Variants in SND1 observed in about 807,000 individuals in gnomAD.
SND1 encodes staphylococcal nuclease domain-containing protein 1.
SND1 carries 38 observed loss-of-function variants against 121.7 expected under a neutral mutation model. The ratio of observed to expected loss-of-function variants is 0.31; its 90% CI spans 0.24 to 0.41. The LOEUF (loss-of-function observed/expected upper bound fraction) is 0.41, where lower values mean the gene tolerates loss of function less well. Among genes scored for constraint, SND1 ranks in the 10% least tolerant of loss-of-function variants. The pLI is 1.00. For synonymous variants in SND1, 401 were observed against 447.4 expected, an observed-to-expected ratio of 0.90 and a Z score of 1.31; for missense variants, 868 against 1,184.6, an observed-to-expected ratio of 0.73 and a Z score of 3.92.
intron 14 of SND1, among the ~76,000 whole-genome samples, chr7:127,911,882 CAG>C (rs1447684245): frequency 6.6e-6 from 1 of 152,136 alleles, no homozygotes; most frequent in Non-Finnish European, 1.5e-5. Context: ...TTGATTCTGC[CAG>C]AGAGTTGCTT....
chr7:127,983,393 G>T (rs544135058), intron 15 of SND1, among the ~76,000 whole-genome samples: 1 of 152,150 alleles, frequency 6.6e-6, no homozygotes, highest in South Asian at 2.1e-4. Flanking sequence ...GAAAGGAGAG[G>T]TGTCCATAGT....
chr7:127,763,068 GA>G (rs1797334064), intron 10 of SND1, among the ~76,000 whole-genome samples: 1 of 152,180 alleles, frequency 6.6e-6, no homozygotes, highest in Non-Finnish European at 1.5e-5. Flanking sequence ...TAAATAGCCA[GA>G]AATAGGGGAA....
At chr7:128,068,949 C>T (rs968940813) in intron 16 of SND1, among the ~76,000 whole-genome samples, 8 of 152,232 alleles carry the variant, frequency 5.3e-5, no homozygotes, top group African/African-American at 1.9e-4. Flanking sequence ...CAGCAGGGCC[C>T]ACTGGCTGCT....
chr7:127,699,307 G>A (rs1562982790), intron 4 of SND1, among the ~76,000 whole-genome samples: 1 of 152,224 alleles, frequency 6.6e-6, no homozygotes, highest in Non-Finnish European at 1.5e-5. Context: ...TCTAGGCACT[G>A]AGAATATAGT....
rs1438670593 is a variant in SND1, at chr7:127,887,942, G to C, written c.1384G>C (p.Val462Leu). The part of the protein sequence containing the change: ...EALVSKGLAT[V>L]IRYRQDDDQR... ...TCTTGTCAGCAAAGGTCTAGCCACAGTGATCAGATACCGGCAGGATGATGA... is the reference window on the plus strand; with the variant it reads ...TCTTGTCAGCAAAGGTCTAGCCACACTGATCAGATACCGGCAGGATGATGA... Residue 462 changes from valine (V) to leucine (L), a missense_variant, in exon 13 of 24, where the codon GTG becomes CTG. Val to Leu is a conservative substitution (Grantham distance 32). Coordinates refer to ENST00000354725, the MANE Select transcript of SND1 (RefSeq NM_014390.4). 6.2e-7 allele frequency: 1 copy of C among 1,612,202 alleles called. No individual in the cohort carries two copies. The highest frequency in any genetic ancestry group is 1.3e-5 in the African/African-American group (1 of 74,796).
chr7:127,793,115 G>A (rs933361751), intron 10 of SND1, among the ~76,000 whole-genome samples: 3 of 152,194 alleles, frequency 2.0e-5, no homozygotes, highest in Admixed American at 2.0e-4. Flanking sequence ...CCCAGGGTGG[G>A]CAAGCACGCA....
intron 9 of SND1, among the ~76,000 whole-genome samples, chr7:127,710,607 A>G (rs953086439): frequency 5.3e-5 from 8 of 152,332 alleles, no homozygotes; most frequent in South Asian, 2.1e-4. Flanking sequence ...TATTTTTAAT[A>G]CAGAAAATTT....
rs375221954 is a variant in SND1, at chr7:127,719,548, G to A, written c.1039-1739G>A. Among the ~76,000 whole-genome samples the A allele has an allele frequency of 1.1e-4, 17 of 152,200 alleles. No individual in the cohort carries two copies. In the East Asian group the frequency reaches 1.7e-3, roughly 16 times the overall value. ...CTGGCAAGATGAATTTTGGGTTCTG[G>A]CTCTCTGGGTTTTAGTGTTTAGCCT... On this transcript the variant is annotated intron_variant, in intron 9 of 23. Transcript: ENST00000354725.
intron 10 of SND1, 51 bp from the exon 11 acceptor site, chr7:127,807,433 T>C (rs1439397579): frequency 7.2e-7 from 1 of 1,397,622 alleles, no homozygotes; most frequent in Admixed American, 1.7e-5. Flanking sequence ...CTGTTGTACA[T>C]GTTCATTTGA....
chr7:127,774,366 C>G (rs979311351), intron 10 of SND1, among the ~76,000 whole-genome samples: 1 of 152,096 alleles, frequency 6.6e-6, no homozygotes, highest in South Asian at 2.1e-4. Context: ...CAAGATTAAT[C>G]TATTATTGAA....
At position 127,988,925 on chromosome 7, in the gene SND1, T is replaced by C. The variant is rs368706755; in HGVS notation, c.1670-2022T>C. ...TGCAACAATGCTTTTTCTGTGGTTA[T>C]GTGGCAAGATTGTTCAATGGAATTG... is the stretch of plus-strand genomic sequence containing the variant. On this transcript the variant is annotated intron_variant, in intron 15 of 23. Coordinates refer to ENST00000354725, the MANE Select transcript of SND1 (RefSeq NM_014390.4). 2.0e-4 allele frequency among the ~76,000 whole-genome samples: 30 copies of C among 152,380 alleles called. No individual in the cohort carries two copies. The East Asian group carries it at 3.9e-3, about 20-fold the overall frequency.
intron 1 of SND1, among the ~76,000 whole-genome samples, chr7:127,665,753 C>G (rs547961967): frequency 3.9e-5 from 6 of 152,072 alleles, no homozygotes; most frequent in Non-Finnish European, 8.8e-5. Flanking sequence ...CTTAGGAATT[C>G]TGTTCCAGGA....
intron 1 of SND1, among the ~76,000 whole-genome samples, chr7:127,681,259 G>A (rs1795721425): frequency 6.6e-6 from 1 of 152,176 alleles, no homozygotes; most frequent in Non-Finnish European, 1.5e-5. Flanking sequence ...ATGATGAAGA[G>A]CATCTTTTCA....
chr7:127,838,324 G>A (rs35246122), intron 11 of SND1, among the ~76,000 whole-genome samples: 9,234 of 152,262 alleles, frequency 0.061, 401 homozygotes, highest in Middle Eastern at 0.19. Flanking sequence ...TGATGCACTG[G>A]TTCTTTGGAG....
At chr7:127,724,581 G>C (rs910189398) in intron 10 of SND1, among the ~76,000 whole-genome samples, 1 of 152,188 alleles carries the variant, frequency 6.6e-6, no homozygotes, top group Admixed American at 6.5e-5. Flanking sequence ...TTTCAGGGGA[G>C]TGTTAAGAAA....
At chr7:127,875,304 A>G (rs890207366) in intron 12 of SND1, among the ~76,000 whole-genome samples, 1 of 152,156 alleles carries the variant, frequency 6.6e-6, no homozygotes, top group Non-Finnish European at 1.5e-5. Context: ...TCTGTAGGGA[A>G]TATGATCTAG....
intron 10 of SND1, among the ~76,000 whole-genome samples, chr7:127,763,268 A>G (rs1584554646): frequency 6.6e-6 from 1 of 152,208 alleles, no homozygotes; most frequent in Admixed American, 6.5e-5. Context: ...GCACTCAGAA[A>G]TTCGAGACCA....
intron 1 of SND1, among the ~76,000 whole-genome samples, chr7:127,659,331 G>GA (rs1160709644): frequency 6.6e-6 from 1 of 152,070 alleles, no homozygotes; most frequent in East Asian, 1.9e-4. Flanking sequence ...TAATGTTTAA[G>GA]AAAAAAATGA....
intron 12 of SND1, among the ~76,000 whole-genome samples, chr7:127,850,576 C>A (rs959277464): frequency 6.6e-6 from 1 of 152,180 alleles, no homozygotes; most frequent in Non-Finnish European, 1.5e-5. Flanking sequence ...AACTGCTGAG[C>A]CCCCTTCCTG....
Sources: gnomAD v4.1 joint callset for allele counts (sites outside exome capture counted in the v4.1 genomes callset) on GRCh38, gnomAD v4.1.1 for gene constraint, MANE v1.5 for transcripts, NCBI Gene and HGNC (gene_info 2026-07-23, HGNC 2026-07-21) for gene names.